The following PHRF1 variants were observed in gnomAD, a reference collection of about 807,000 sequenced individuals.
PHRF1 encodes PHD and RING finger domain-containing protein 1.
Under a neutral mutation model 128.9 loss-of-function variants are expected in PHRF1, and 53 were observed. The observed-to-expected ratio is 0.41, with a 90% CI of 0.33 to 0.52. The LOEUF (loss-of-function observed/expected upper bound fraction) is 0.52, where lower values mean the gene tolerates loss of function less well. Among genes scored for constraint, PHRF1 ranks in the 20% least tolerant of loss-of-function variants. PHRF1 has a pLI of 0.21. For missense variants in PHRF1, 2,503 were observed against 2,284.5 expected, an observed-to-expected ratio of 1.10 and a Z score of -1.95; for synonymous variants, 1,178 against 980.6, an observed-to-expected ratio of 1.20 and a Z score of -3.76.
rs1410878369 is a variant in PHRF1 at position 583,790 on chromosome 11, T to A, written c.214+1709T>A. ...TGCGCTGGTGGTACCTCCTTCCTTG[T>A]CCCCTGTTGCCATCACCCTCGGTGG... On this transcript the variant is annotated intron_variant, in intron 3 of 17. Coordinates refer to ENST00000264555, the MANE Select transcript of PHRF1 (RefSeq NM_001286581.2). 3.3e-5 allele frequency among the ~76,000 whole-genome samples: 5 copies of A among 152,126 alleles called. No homozygotes were observed. In the East Asian group the frequency reaches 9.6e-4, roughly 29 times the overall value.
intron 9 of PHRF1, among the ~76,000 whole-genome samples, chr11:600,904 T>A (rs1350535639): frequency 6.6e-6 from 1 of 151,920 alleles, no homozygotes; most frequent in East Asian, 1.9e-4. Flanking sequence ...AGGCAGAGAT[T>A]GCAGTGAGCT....
At chr11:591,730 T>C (rs1277669030) in intron 5 of PHRF1, among the ~76,000 whole-genome samples, 1 of 152,188 alleles carries the variant, frequency 6.6e-6, no homozygotes, top group African/African-American at 2.4e-5. Context: ...CTGGGAGCAG[T>C]GCTCTGGCCC....
Position 608,564 on chromosome 11 carries a change from A to G in PHRF1, c.3108A>G (p.Ser1036=). 5 of 1,612,318 alleles carry G rather than the reference A, an allele frequency of 3.1e-6. No homozygotes were observed. Among genetic ancestry groups the G allele is most frequent in the Non-Finnish European group, 4.2e-6 (5 of 1,179,808 alleles). The change falls in exon 14 of 18, where the codon TCA becomes TCG. Residue 1036 remains serine (S), a synonymous_variant. Transcript: ENST00000264555. ...GGAGCTCGAGGTCAGCGTCACCATC[A>G]GTGGGTGAGGAGCGCCCCAGGAGGC... The part of the protein sequence containing the change: ...RDRSSRSASP[S]VGEERPRRQR...
chr11:596,123 C>G (rs1855261466), intron 6 of PHRF1, among the ~76,000 whole-genome samples: 1 of 152,194 alleles, frequency 6.6e-6, no homozygotes, highest in African/African-American at 2.4e-5. Flanking sequence ...CAGTTGAATT[C>G]AGGCTCAATT....
chr11:610,033 G>C (rs1856265927), intron 14 of PHRF1, among the ~76,000 whole-genome samples, 163 bp from the exon 15 acceptor site: 1 of 152,226 alleles, frequency 6.6e-6, no homozygotes, highest in Admixed American at 6.5e-5. Context: ...CAGTGGCTAG[G>C]AGCTGGCACA....
intron 9 of PHRF1, among the ~76,000 whole-genome samples, chr11:599,633 C>G (rs923117208): frequency 2.6e-5 from 4 of 152,162 alleles, no homozygotes; most frequent in Non-Finnish European, 5.9e-5. Context: ...ACTTCCATTC[C>G]AGCCAGCACA....
chr11:594,748 C>T (rs1855183591), intron 6 of PHRF1, among the ~76,000 whole-genome samples: 1 of 152,208 alleles, frequency 6.6e-6, no homozygotes, highest in South Asian at 2.1e-4. Context: ...AGGCGTGAGC[C>T]ACTATGCCCA....
Position 598,510 on chromosome 11 carries a change from T to C in PHRF1, c.1024+8T>C. ...GACGGAAGAGGAAGACAAGTAAGCC[T>C]GAAGGGATGGACTCTCCCGCCAGCC... On this transcript the variant is annotated splice_region_variant and intron_variant, in intron 9 of 17. Coordinates refer to ENST00000264555, the MANE Select transcript of PHRF1 (RefSeq NM_001286581.2). 1 of 1,605,326 alleles carries C rather than the reference T, an allele frequency of 6.2e-7. No individual in the cohort carries two copies. Among genetic ancestry groups the C allele is most frequent in the Non-Finnish European group, 8.5e-7 (1 of 1,178,126 alleles).
At position 598,252 on chromosome 11, in the gene PHRF1, G is replaced by A. The variant is rs1855414389; in HGVS notation, c.895-121G>A. On this transcript the variant is annotated intron_variant, in intron 8 of 17. Coordinates refer to ENST00000264555, the MANE Select transcript of PHRF1 (RefSeq NM_001286581.2). ...GGCCGTGGCTGCTGCAGTGGCGGGT[G>A]GGGAGGCTGTCCTGCTTCTCTGGCT... 1.1e-5 allele frequency: 14 copies of A among 1,333,312 alleles called. No individual in the cohort carries two copies. The Middle Eastern group carries it at 8.1e-4, about 77-fold the overall frequency. The allele number at this position is 1,333,312 out of a possible 1,614,324, so 82.6% of individuals were successfully genotyped here.
chr11:594,371 C>G (rs1319178336), intron 6 of PHRF1, among the ~76,000 whole-genome samples: 1 of 152,214 alleles, frequency 6.6e-6, no homozygotes, highest in Non-Finnish European at 1.5e-5. Context: ...AGCTGGTAGG[C>G]CAGTTTTCAC....
In PHRF1 at chr11:597,370, C is replaced by G. The variant is rs777085084; in HGVS notation, c.719-25C>G. 1 of 1,602,288 alleles carries G rather than the reference C, an allele frequency of 6.2e-7. No homozygotes were observed. The highest frequency in any genetic ancestry group is 8.5e-7 in the Non-Finnish European group (1 of 1,173,376). ...AGGCGTGTGGCCTGTGAGTGTGGCA[C>G]ATCAGCCCTGGTGGTTCTTCCCAGA... On this transcript the variant is annotated intron_variant, in intron 7 of 17. Coordinates refer to ENST00000264555, the MANE Select transcript of PHRF1 (RefSeq NM_001286581.2). The surrounding 1 kb of genome is among the most constrained non-coding windows in gnomAD (Gnocchi z 6.5).
intron 1 of PHRF1, among the ~76,000 whole-genome samples, chr11:578,633 A>G (rs1274171949): frequency 1.3e-5 from 2 of 152,142 alleles, no homozygotes; most frequent in Non-Finnish European, 1.5e-5. Context: ...TTCACATACT[A>G]TGGCTCACTG....
chr11:608,474 G>A lies in PHRF1; in HGVS notation c.3018G>A (p.Lys1006=), dbSNP rs377376312. ...TSSSRSRKKA[K]RKRVSREHGR... ...GCTCCCGCAGCAGGAAGAAGGCCAA[G>A]AGGAAGAGGGTGTCCAGGGAGCACG... Residue 1006 remains lysine, a synonymous_variant, in exon 14 of 18, where the codon AAG becomes AAA. Coordinates refer to ENST00000264555, the MANE Select transcript of PHRF1 (RefSeq NM_001286581.2). 3 of 1,612,390 alleles carry A rather than the reference G, an allele frequency of 1.9e-6. No individual in the cohort carries two copies. The highest frequency in any genetic ancestry group is 2.5e-6 in the Non-Finnish European group (3 of 1,179,858).
rs181125236 is a variant in PHRF1, at chr11:579,948, C to T, written c.-21-1544C>T. ...TCCAGGGGTTTCCAGACAGCAGTGG[C>T]GCTGACAGCCACTTTCCCCCGTTGC... is the stretch of plus-strand genomic sequence containing the variant. On this transcript the variant is annotated intron_variant, in intron 1 of 17. Coordinates refer to ENST00000264555, the MANE Select transcript of PHRF1 (RefSeq NM_001286581.2). Among the ~76,000 whole-genome samples the T allele has an allele frequency of 2.8e-3, 419 of 152,294 alleles. 4 individuals carry two copies. Among genetic ancestry groups the T allele is most frequent in the African/African-American group, 9.7e-3 (405 of 41,544 alleles).
chr11:607,836 C>T lies in PHRF1; in HGVS notation c.2380C>T (p.Pro794Ser), dbSNP rs772918716. Reference protein sequence around the residue: ...NMAHSSQLSSPGFCNTFRPVD... With the variant: ...NMAHSSQLSSSGFCNTFRPVD... The stretch of plus-strand genomic sequence containing the variant: ...GGCACATTCCAGCCAGCTCTCCAGC[C>T]CTGGCTTCTGTAACACGTTCCGGCC... The change falls in exon 14 of 18, where the codon CCT (proline) becomes TCT (serine). Residue 794 changes from proline to serine, a missense_variant. By Grantham distance (74) the Pro-to-Ser change is moderately conservative. Coordinates refer to ENST00000264555, the MANE Select transcript of PHRF1 (RefSeq NM_001286581.2). 5 of 1,612,714 alleles carry T rather than the reference C, an allele frequency of 3.1e-6. No homozygotes were observed. In the Admixed American group the frequency reaches 5.0e-5, roughly 16 times the overall value.
chr11:609,340 C>T lies in PHRF1; in HGVS notation c.3884C>T (p.Thr1295Ile), dbSNP rs1411995907. Residue 1295 changes from threonine to isoleucine, a missense_variant, in exon 14 of 18, where the codon ACA (threonine) becomes ATA (isoleucine). Physicochemically the swap from Thr to Ile is moderately conservative, Grantham distance 89 (BLOSUM62 -1). Coordinates refer to ENST00000264555, the MANE Select transcript of PHRF1 (RefSeq NM_001286581.2). The part of the protein sequence containing the change: ...DMSSPPSPES[T>I]DSSPERDFPL... ...AGCTCGCCACCTTCTCCCGAAAGCA[C>T]AGACTCTTCCCCGGAGCGAGACTTC... 1 of 1,612,492 alleles carries T rather than the reference C, an allele frequency of 6.2e-7. No individual in the cohort carries two copies. The highest frequency in any genetic ancestry group is 8.5e-7 in the Non-Finnish European group (1 of 1,179,890).
At chr11:578,885 T>A (rs962167474) in intron 1 of PHRF1, among the ~76,000 whole-genome samples, 2 of 151,956 alleles carry the variant, frequency 1.3e-5, no homozygotes, top group African/African-American at 4.8e-5. Context: ...TGAGTCTCAC[T>A]CTGTCGCCCA....
chr11:607,874 G>A lies in PHRF1; in HGVS notation c.2418G>A (p.Lys806=). 6.2e-7 allele frequency: 1 copy of A among 1,612,784 alleles called. No homozygotes were observed. Among genetic ancestry groups the A allele is most frequent in the Non-Finnish European group, 8.5e-7 (1 of 1,179,888 alleles). ...ACACGTTCCGGCCTGTGGACGATAA[G>A]GAGCAGAGGAAGGAGAACCCCTCAC... The part of the protein sequence containing the change: ...FCNTFRPVDD[K]EQRKENPSPL... The change falls in exon 14 of 18, where the codon AAG becomes AAA. Residue 806 remains lysine (K), a synonymous_variant. Coordinates refer to ENST00000264555, the MANE Select transcript of PHRF1 (RefSeq NM_001286581.2).
intron 4 of PHRF1, among the ~76,000 whole-genome samples, chr11:589,923 A>AATGTCTGCAAAC (rs1854847893): frequency 6.9e-6 from 1 of 145,112 alleles, no homozygotes; most frequent in African/African-American, 2.7e-5. Flanking sequence ...TCAGCCTGAG[A>AATGTCTGCAAAC]GGGTGTCTGC....
Sources: gnomAD v4.1 joint callset for allele counts (sites outside exome capture counted in the v4.1 genomes callset) on GRCh38, gnomAD v4.1.1 for gene constraint, Gnocchi (gnomAD v3.1) non-coding constraint, MANE v1.5 for transcripts, NCBI Gene and HGNC (gene_info 2026-07-23, HGNC 2026-07-21) for gene names.